The following RHCE variants were observed in gnomAD, a reference collection of about 807,000 sequenced individuals.
RHCE encodes the protein Rh blood group CcEe antigens, also known as blood group Rh(CE) polypeptide.
RHCE carries 22 observed loss-of-function variants against 43.8 expected under a neutral mutation model. The observed-to-expected ratio is 0.50, with a 90% confidence interval of 0.36 to 0.72. The LOEUF is 0.72. Among genes scored for constraint, RHCE ranks in the 30% least tolerant of loss-of-function variants. The probability of loss-of-function intolerance (pLI) is 0.00; values close to 1 mark genes in which losing one functional copy is unlikely to be tolerated. For missense variants in RHCE, 385 were observed against 525.4 expected (o/e 0.73, Z 2.61); for synonymous variants, 156 against 210.7 (o/e 0.74, Z 2.25).
intron 7 of RHCE, among the ~76,000 whole-genome samples, chr1:25,376,488 C>T (rs1645790938): frequency 6.6e-6 from 1 of 152,210 alleles, no homozygotes; most frequent in Non-Finnish European, 1.5e-5. Flanking sequence ...TGGACCCCAC[C>T]TTGTATGTCA....
upstream of RHCE, chr1:25,420,963 T>C: frequency 8.8e-7 from 1 of 1,131,110 alleles, no homozygotes; most frequent in South Asian, 1.4e-5. Flanking sequence ...AGAGGGACTA[T>C]GATGGGGAGG....
At chr1:25,427,984 A>G (rs1474245659) in intron 2 of RHCE, among the ~76,000 whole-genome samples, 3 of 152,200 alleles carry the variant, frequency 2.0e-5, no homozygotes. Flanking sequence ...TTTGTCAGCC[A>G]TCACCCTCAG....
At chr1:25,386,861 ACACAC>A (rs1646187215) in intron 6 of RHCE, among the ~76,000 whole-genome samples, 1 of 150,260 alleles carries the variant, frequency 6.7e-6, no homozygotes, top group Non-Finnish European at 1.5e-5. Flanking sequence ...ACACACACAC[ACACAC>A]ACACACACAC....
chr1:25,411,505 T>C, intron 1 of RHCE: 26 of 1,520,510 alleles, frequency 1.7e-5, no homozygotes, highest in Non-Finnish European at 2.3e-5. Flanking sequence ...GGGAGGACAC[T>C]GACATTTCCA....
At chr1:25,380,024 A>G (rs1490196765) in intron 7 of RHCE, among the ~76,000 whole-genome samples, 2 of 149,322 alleles carry the variant, frequency 1.3e-5, no homozygotes, top group African/African-American at 4.9e-5. Context: ...AAAATTCCAA[A>G]GTCCATGGTC....
chr1:25,372,461 T>TAG (rs2124316230), intron 8 of RHCE, among the ~76,000 whole-genome samples: 1 of 151,186 alleles, frequency 6.6e-6, no homozygotes, highest in Non-Finnish European at 1.5e-5. Flanking sequence ...GGAGGTTGCG[T>TAG]TGAGCCGAGA....
chr1:25,416,412 C>T (rs1312213787), intron 1 of RHCE, among the ~76,000 whole-genome samples: 5 of 151,012 alleles, frequency 3.3e-5, no homozygotes, highest in Admixed American at 6.6e-5. Flanking sequence ...TACAGGCACC[C>T]GCCACCATAC....
intron 6 of RHCE, among the ~76,000 whole-genome samples, chr1:25,387,557 C>A (rs682036): frequency 1.3e-5 from 2 of 152,162 alleles, no homozygotes; most frequent in East Asian, 1.9e-4. Context: ...GGGCGCTGAG[C>A]CTGATGGTAA....
At chr1:25,385,618 G>A (rs551784025) in intron 7 of RHCE, 93 bp downstream of exon 7, 359 of 1,573,952 alleles carry the variant, frequency 2.3e-4, no homozygotes, top group Non-Finnish European at 2.9e-4. Context: ...ACCTGGCCCC[G>A]AGTGCACACG....
chr1:25,428,338 G>T (rs75466085), intron 2 of RHCE, among the ~76,000 whole-genome samples: 2 of 152,170 alleles, frequency 1.3e-5, no homozygotes, highest in African/African-American at 4.8e-5. Context: ...GCTCCCCAAC[G>T]CCTTTAAGCT....
In RHCE at chr1:25,390,874, C is replaced by G. The variant is rs609320; in HGVS notation, c.676G>C (p.Ala226Pro). Residue 226 changes from alanine (A) to proline (P), a missense_variant, in exon 5 of 10, where the codon GCT becomes CCT. By Grantham distance (27) the Ala-to-Pro change is conservative. Around this residue, in one of 6 missense-constraint regions of RHCE, gnomAD observed 110 missense variants for 103.4 expected, o/e 1.06. Coordinates refer to ENST00000294413, the MANE Select transcript of RHCE (RefSeq NM_020485.8). Reference sequence around the variant, plus strand: ...CTTTGGATTGGACTTCTCAGCAGAGCAGAGTTGACACTTGGCCAGAACATC... The same window carrying G: ...CTTTGGATTGGACTTCTCAGCAGAGGAGAGTTGACACTTGGCCAGAACATC... ...LWMFWPSVNS[A>P]LLRSPIQRKN... is the part of the protein sequence containing the mutation. 254,703 of 1,614,060 alleles carry G rather than the reference C, an allele frequency of 0.16. 21,239 individuals are homozygous for G. The highest frequency in any genetic ancestry group is 0.27 in the East Asian group (12,072 of 44,858).
chr1:25,376,586 T>C (rs1480850001), intron 7 of RHCE, among the ~76,000 whole-genome samples: 2 of 151,336 alleles, frequency 1.3e-5, no homozygotes, highest in Non-Finnish European at 2.9e-5. Flanking sequence ...CATAGGAGAG[T>C]GGAGAGAATT....
intron 2 of RHCE, among the ~76,000 whole-genome samples, chr1:25,404,029 A>G (rs912204104): frequency 1.3e-4 from 20 of 149,910 alleles, no homozygotes; most frequent in African/African-American, 4.7e-4. Flanking sequence ...TTACCCGGGC[A>G]TGGTGGTGCA....
chr1:25,396,520 T>C (rs1415713008), intron 3 of RHCE, among the ~76,000 whole-genome samples: 5 of 152,310 alleles, frequency 3.3e-5, no homozygotes, highest in African/African-American at 1.2e-4. Flanking sequence ...AGAGGCTGAA[T>C]TGACTCACAG....
chr1:25,386,101 A>C (rs2038110), intron 6 of RHCE, among the ~76,000 whole-genome samples: 1 of 152,116 alleles, frequency 6.6e-6, no homozygotes, highest in African/African-American at 2.4e-5. Flanking sequence ...AATGCTGCTC[A>C]TCTACGGACC....
chr1:25,380,142 C>T (rs983377792), intron 7 of RHCE, among the ~76,000 whole-genome samples: 19 of 143,100 alleles, frequency 1.3e-4, no homozygotes, highest in Non-Finnish European at 2.4e-4. Flanking sequence ...TTCCAAAATA[C>T]AACAGTGGAA....
intron 3 of RHCE, among the ~76,000 whole-genome samples, chr1:25,393,733 A>G (rs1646452774): frequency 6.6e-6 from 1 of 152,016 alleles, no homozygotes; most frequent in East Asian, 1.9e-4. Context: ...ACGACCCTGC[A>G]GGATCCACTC....
rs79813318 is a variant in RHCE, at chr1:25,409,907, T to A, written c.149-1038A>T. Among the ~76,000 whole-genome samples the A allele has an allele frequency of 5.3e-5, 8 of 151,710 alleles. No homozygotes were observed. The South Asian group carries it at 1.0e-3, about 20-fold the overall frequency. On this transcript the variant is annotated intron_variant, in intron 1 of 9. Transcript: ENST00000294413. ...GGGTAGAGCTAAGATTTTTTTTTTT[T>A]AATTTTGAGATAGAGTTTCACTCTT...
chr1:25,379,214 C>T (rs1645880413), intron 7 of RHCE, among the ~76,000 whole-genome samples: 1 of 151,726 alleles, frequency 6.6e-6, no homozygotes, highest in Admixed American at 6.6e-5. Context: ...CATGTCAGCT[C>T]AGGTCTCTCT....
Sources: gnomAD v4.1 joint callset for allele counts (sites outside exome capture counted in the v4.1 genomes callset) on GRCh38, gnomAD v4.1.1 for gene constraint, gnomAD v4.1.1 regional missense constraint, MANE v1.5 for transcripts, NCBI Gene and HGNC (gene_info 2026-07-23, HGNC 2026-07-21) for gene names.